ACBD5: variants seen among roughly 807,000 people sequenced by gnomAD.
ACBD5 encodes acyl-CoA binding domain containing 5.
ACBD5 carries 40 observed loss-of-function variants against 71.8 expected under a neutral mutation model. The observed-to-expected ratio is 0.56, with a 90% CI of 0.43 to 0.72. The LOEUF (loss-of-function observed/expected upper bound fraction) is 0.72. Ranked by LOEUF, ACBD5 falls within the 30% of genes least tolerant of loss-of-function variation. The pLI, the probability that ACBD5 is intolerant of heterozygous loss-of-function variation, is 0.00. For missense variants in ACBD5, 559 were observed against 644.5 expected, an observed-to-expected ratio of 0.87 and a Z score of 1.44; for synonymous variants, 229 against 218.6, an observed-to-expected ratio of 1.05 and a Z score of -0.42.
chr10:27,189,504 C>T (rs2058970891), intron 13 of ACBD5, among the ~76,000 whole-genome samples: 2 of 151,890 alleles, frequency 1.3e-5, no homozygotes, highest in African/African-American at 4.8e-5. Flanking sequence ...CCGTCATTCT[C>T]AGCAAACTAT....
chr10:27,208,512 C>T (rs1208575161), intron 9 of ACBD5, 67 bp from the exon 10 acceptor site: 2 of 1,547,592 alleles, frequency 1.3e-6, no homozygotes, highest in South Asian at 1.1e-5. Flanking sequence ...GTGTTTTATT[C>T]ATTTTCCTCT....
intron 6 of ACBD5, 114 bp from the exon 7 acceptor site, chr10:27,218,297 G>T: frequency 1.1e-6 from 1 of 881,346 alleles, no homozygotes; most frequent in South Asian, 1.4e-5. Flanking sequence ...CCTTTGAAGG[G>T]TTTCCTACTT....
chr10:27,226,076 G>T (rs1257947306), intron 4 of ACBD5, among the ~76,000 whole-genome samples: 2 of 152,056 alleles, frequency 1.3e-5, no homozygotes, highest in Non-Finnish European at 2.9e-5. Flanking sequence ...CAACAAACCA[G>T]AATTTCAGTA....
chr10:27,242,103 C>T (rs1403747702), upstream of ACBD5: 1 of 449,360 alleles, frequency 2.2e-6, no homozygotes, highest in Admixed American at 2.4e-5. Flanking sequence ...TCCCCGACGC[C>T]CGCCCCTCGC....
intron 5 of ACBD5, among the ~76,000 whole-genome samples, chr10:27,221,064 A>C (rs1557166): frequency 0.069 from 10,471 of 152,312 alleles, 687 homozygotes; most frequent in African/African-American, 0.17. Context: ...AAAGGAGTAA[A>C]TAACCTAAAT....
chr10:27,203,604 T>C (rs894399199), intron 12 of ACBD5, among the ~76,000 whole-genome samples: 6 of 152,172 alleles, frequency 3.9e-5, no homozygotes, highest in African/African-American at 1.4e-4. Context: ...CTGGGCATGA[T>C]GGCACATGCC....
chr10:27,202,923 T>G (rs1195561429), intron 12 of ACBD5, among the ~76,000 whole-genome samples: 1 of 150,630 alleles, frequency 6.6e-6, no homozygotes, highest in Non-Finnish European at 1.5e-5. Context: ...GAATTGAAAA[T>G]GTATAGAAGA....
intron 10 of ACBD5, among the ~76,000 whole-genome samples, chr10:27,207,567 G>A (rs2060598476): frequency 6.6e-6 from 1 of 152,076 alleles, no homozygotes; most frequent in Non-Finnish European, 1.5e-5. Context: ...TTGCAGCTAG[G>A]TCAGACAGTC....
chr10:27,219,741 C>A lies in ACBD5; in HGVS notation c.607G>T (p.Ala203Ser), dbSNP rs749548834. ...EEEAQEEVKG[A>S]EQSDNDKKMM... is the part of the protein sequence containing the mutation. ...ACATTACCATTATCACTTTGTTCTG[C>A]TCCTTTCACTTCTTCTTGGGCCTCT... Residue 203 changes from alanine to serine, a missense_variant, in exon 6 of 13, where the codon GCA (alanine) becomes TCA (serine). Coordinates refer to ENST00000396271, the MANE Select transcript of ACBD5 (RefSeq NM_145698.5). 1 of 1,614,032 alleles carries A rather than the reference C, an allele frequency of 6.2e-7. No individual in the cohort carries two copies. The highest frequency in any genetic ancestry group is 2.2e-5 in the East Asian group (1 of 44,872).
At position 27,204,489 on chromosome 10, in the gene ACBD5, G is replaced by C. The variant is rs1272912858; in HGVS notation, c.1516C>G (p.Pro506Ala). The change falls in exon 12 of 13, where the codon CCT becomes GCT. Residue 506 changes from proline (P) to alanine (A), a missense_variant. By Grantham distance (27) the Pro-to-Ala change is conservative. Coordinates refer to ENST00000396271, the MANE Select transcript of ACBD5 (RefSeq NM_145698.5). ...TACACCAACCACTGTGCAATAAAAGGCCATATGATGGCAAACGTTAGCACA... is the reference window on the plus strand; with the variant it reads ...TACACCAACCACTGTGCAATAAAAGCCCATATGATGGCAAACGTTAGCACA... ...PGVLTFAIIW[P>A]FIAQWLVYLY... is the part of the protein sequence containing the mutation. The C allele has an allele frequency of 6.2e-7, 1 of 1,613,796 alleles. No individual in the cohort carries two copies. The highest frequency in any genetic ancestry group is 1.3e-5 in the African/African-American group (1 of 74,864).
Position 27,195,546 on chromosome 10 carries a change from T to A in ACBD5, c.*1884A>T, listed in dbSNP as rs915096587. On this transcript the variant is annotated 3_prime_UTR_variant, in exon 13 of 13. Transcript: ENST00000396271. ...TAAGAGAAAAGACACTTTTTACTGA[T>A]ACCAAATTGATATCTCATTTTTGAA... The A allele has an allele frequency of 2.2e-6, 1 of 451,878 alleles. No homozygotes were observed. The highest frequency in any genetic ancestry group is 4.4e-6 in the Non-Finnish European group (1 of 226,126). The allele number at this position is 451,878 out of a possible 1,614,324, so 28.0% of individuals were successfully genotyped here. A position where few individuals can be genotyped will look rare whatever the true frequency, so the allele number is the denominator to read the frequency against.
rs11420737 is a variant in ACBD5, at chr10:27,197,349, A to AT, written c.*80dup. On this transcript the variant is annotated 3_prime_UTR_variant, in exon 13 of 13. Transcript: ENST00000396271. ...AGCAATGTAATCATCACAAACTAAG[A>AT]TTTTCTTGTGAACACCACAATCCAG... The AT allele has an allele frequency of 0.021, 28,383 of 1,378,732 alleles. 3,999 individuals are homozygous for AT. In the African/African-American group the frequency reaches 0.33, roughly 16 times the overall value. 85.4% of individuals were successfully genotyped at this position (1,378,732 alleles called of 1,614,324 possible).
chr10:27,203,553 A>G (rs2060152395), intron 12 of ACBD5, among the ~76,000 whole-genome samples: 2 of 152,152 alleles, frequency 1.3e-5, no homozygotes, highest in Non-Finnish European at 2.9e-5. Context: ...AGTCTGGCCA[A>G]CATGATGAAA....
At position 27,212,946 on chromosome 10, in the gene ACBD5, T is replaced by C. The variant is rs192983389; in HGVS notation, c.937-1865A>G. The stretch of plus-strand genomic sequence containing the variant: ...GGGTAGATTTAATTGCATTATGAAA[T>C]GAGAAAAGGAGAAAAACACAAAAAG... On this transcript the variant is annotated intron_variant, in intron 8 of 12. Coordinates refer to ENST00000396271, the MANE Select transcript of ACBD5 (RefSeq NM_145698.5). 6.6e-4 allele frequency among the ~76,000 whole-genome samples: 100 copies of C among 152,044 alleles called. 1 individual carries two copies. Among genetic ancestry groups the C allele is most frequent in the South Asian group, 6.4e-3 (31 of 4,812 alleles).
chr10:27,222,826 C>G (rs185452131), intron 5 of ACBD5, among the ~76,000 whole-genome samples: 2 of 152,332 alleles, frequency 1.3e-5, no homozygotes, highest in Admixed American at 6.5e-5. Flanking sequence ...CCCGCTTTCG[C>G]TTCCCAAAGT....
intron 13 of ACBD5, chr10:27,186,700 G>A (rs1422211488): frequency 1.5e-6 from 1 of 675,714 alleles, no homozygotes; most frequent in South Asian, 1.7e-5. Context: ...AAGGCTGAAA[G>A]GAATATAGTC....
intron 8 of ACBD5, among the ~76,000 whole-genome samples, chr10:27,213,790 C>T (rs1369147223): frequency 1.3e-5 from 2 of 151,784 alleles, no homozygotes; most frequent in African/African-American, 4.8e-5. Context: ...AATAGAGTTA[C>T]CATATGACCA....
rs769392657 is a variant in ACBD5 at position 27,188,571 on chromosome 10, G to A, written c.1494-5856C>T. On this transcript the variant is annotated intron_variant, in intron 13 of 13. Transcript: ENST00000676511. ...GACTTGAAACATTACTGAATAATCGGGGAAATGTTCTCTGAGCATATTCCC... is the reference window on the plus strand; with the variant it reads ...GACTTGAAACATTACTGAATAATCGAGGAAATGTTCTCTGAGCATATTCCC... Among the ~76,000 whole-genome samples the A allele has an allele frequency of 2.7e-4, 41 of 151,344 alleles. 1 individual carries two copies. Among genetic ancestry groups the A allele is most frequent in the Non-Finnish European group, 5.2e-4 (35 of 67,430 alleles).
chr10:27,210,140 G>A (rs2060909895), intron 9 of ACBD5, among the ~76,000 whole-genome samples: 1 of 152,158 alleles, frequency 6.6e-6, no homozygotes, highest in African/African-American at 2.4e-5. Context: ...TAGCCTTGTA[G>A]GAATGGAATA....
Sources: gnomAD v4.1 joint callset for allele counts (sites outside exome capture counted in the v4.1 genomes callset) on GRCh38, gnomAD v4.1.1 for gene constraint, MANE v1.5 for transcripts, NCBI Gene and HGNC (gene_info 2026-07-23, HGNC 2026-07-21) for gene names.